The following MAX variants were observed in gnomAD, a reference collection of about 807,000 sequenced individuals.
MAX encodes the protein protein max.
Under a neutral mutation model 22.3 loss-of-function variants are expected in MAX, and 3 were observed. The observed-to-expected ratio is 0.13, with a 90% CI of 0.06 to 0.35. The LOEUF is 0.35. Among genes scored for constraint, MAX ranks in the 10% least tolerant of loss-of-function variants. MAX has a pLI of 1.00. For synonymous variants in MAX, 72 were observed against 77.7 expected, an observed-to-expected ratio of 0.93 and a Z score of 0.39; for missense variants, 119 against 209.4, an observed-to-expected ratio of 0.57 and a Z score of 2.66.
Position 65,014,608 on chromosome 14 carries a change from G to A in MAX, c.172-8324C>T, listed in dbSNP as rs1174484406. 1.3e-5 allele frequency among the ~76,000 whole-genome samples: 2 copies of A among 152,162 alleles called. No individual in the cohort carries two copies. Among genetic ancestry groups the A allele is most frequent in the East Asian group, 3.8e-4 (2 of 5,198 alleles). ...GCAGGTGAATTGCTTCAGCCCAGGA[G>A]TTCAAGACCAGCCTGGGCAACATAG... On this transcript the variant is annotated intron_variant, in intron 3 of 3. Coordinates refer to the MAX transcript ENST00000341653. This position sits in a 1 kb window ranked among gnomAD's most constrained non-coding sequence, Gnocchi z 5.1.
intron 3 of MAX, among the ~76,000 whole-genome samples, chr14:65,008,834 T>C (rs2061638260): frequency 6.6e-6 from 1 of 152,148 alleles, no homozygotes; most frequent in Non-Finnish European, 1.5e-5. Flanking sequence ...ATTTAAATCA[T>C]TACCCAGTAC....
At position 65,044,216 on chromosome 14, in the gene MAX, ACCCT is replaced by A. The variant is rs2062424811; in HGVS notation, c.172-37936_172-37933del. 1.9e-6 allele frequency: 3 copies of A among 1,586,036 alleles called. No individual in the cohort carries two copies. The highest frequency in any genetic ancestry group is 2.6e-6 in the Non-Finnish European group (3 of 1,169,226). On this transcript the variant is annotated intron_variant, in intron 3 of 3. Coordinates refer to the MAX transcript ENST00000341653. This position sits in a 1 kb window ranked among gnomAD's most constrained non-coding sequence, Gnocchi z 5.5. ...GTGCCAAGAAGCCACAAGATGGGAA[ACCCT>A]CCATCCCACAGATTGACTCCTGGAG... is the stretch of plus-strand genomic sequence containing the variant.
At chr14:65,067,006 T>C (rs1357573904) in intron 3 of MAX, among the ~76,000 whole-genome samples, 1 of 146,676 alleles carries the variant, frequency 6.8e-6, no homozygotes, top group African/African-American at 2.5e-5. Flanking sequence ...CCACACTCTG[T>C]CTCTACAAAA....
intron 3 of MAX, among the ~76,000 whole-genome samples, chr14:65,066,862 C>CAAA (rs759184338): frequency 0.022 from 1,919 of 88,728 alleles, 74 homozygotes; most frequent in African/African-American, 0.067. Flanking sequence ...AATTCCATCT[C>CAAA]AAAAAAAAAA....
chr14:65,071,621 T>C (rs1300262364), downstream of MAX, among the ~76,000 whole-genome samples: 1 of 152,236 alleles, frequency 6.6e-6, no homozygotes, highest in Non-Finnish European at 1.5e-5. This position sits in a 1 kb window ranked among gnomAD's most constrained non-coding sequence, Gnocchi z 4.2. Context: ...CCTCACATAA[T>C]GGCACAGGAA....
chr14:65,046,741 A>G (rs1406555963), intron 3 of MAX, among the ~76,000 whole-genome samples: 2 of 152,198 alleles, frequency 1.3e-5, no homozygotes, highest in East Asian at 1.9e-4. Context: ...GATAGTCACA[A>G]TATATTGTGA....
At chr14:65,058,892 T>C (rs73270859) in intron 3 of MAX, among the ~76,000 whole-genome samples, 14,366 of 152,214 alleles carry the variant, frequency 0.094, 2,231 homozygotes, top group African/African-American at 0.33. Flanking sequence ...TATTTAGGAT[T>C]TTTTTGCATG....
chr14:65,067,230 TTTGAGA>T (rs1314576785), intron 3 of MAX, among the ~76,000 whole-genome samples: 2 of 151,282 alleles, frequency 1.3e-5, no homozygotes, highest in Admixed American at 6.6e-5. Context: ...TTTGGAATAG[TTTGAGA>T]TTGACAGAAA....
At chr14:65,022,387 A>G (rs2061905772) in intron 3 of MAX, among the ~76,000 whole-genome samples, 1 of 151,810 alleles carries the variant, frequency 6.6e-6, no homozygotes, top group Non-Finnish European at 1.5e-5. Flanking sequence ...TCTAGTGCTG[A>G]AGTTTTTTAT....
downstream of MAX, chr14:65,075,123 CAAG>C (rs1356464094): frequency 8.9e-6 from 9 of 1,016,008 alleles, no homozygotes; most frequent in African/African-American, 1.7e-5. This position sits in a 1 kb window ranked among gnomAD's most constrained non-coding sequence, Gnocchi z 4.1. Flanking sequence ...ACACCACCAC[CAAG>C]AAGGATAAAA....
intron 3 of MAX, chr14:65,015,832 A>G: frequency 8.2e-7 from 1 of 1,220,684 alleles, no homozygotes; most frequent in South Asian, 1.4e-5. Context: ...CCACAAAGAA[A>G]TCTTTGCTCT....
chr14:65,013,664 C>T (rs901207608), intron 3 of MAX, among the ~76,000 whole-genome samples: 7 of 152,196 alleles, frequency 4.6e-5, no homozygotes, highest in African/African-American at 1.7e-4. Context: ...TCTCTTGCCT[C>T]AGCCTTCTGA....
intron 3 of MAX, chr14:65,053,445 A>G: frequency 9.3e-7 from 1 of 1,079,488 alleles, no homozygotes; most frequent in African/African-American, 1.6e-5. Flanking sequence ...TCAAGAGCAG[A>G]GGTGTCACCT....
Position 65,028,474 on chromosome 14 carries a change from A to G in MAX, c.172-22190T>C, listed in dbSNP as rs546470209. ...TTCTTATTATTTAGTTGAGAAATAC[A>G]TTTTGTGAGGTTTCTATAGCAAAGC... On this transcript the variant is annotated intron_variant, in intron 3 of 3. Coordinates refer to the MAX transcript ENST00000341653. This position sits in a 1 kb window ranked among gnomAD's most constrained non-coding sequence, Gnocchi z 4.4. 6.6e-6 allele frequency among the ~76,000 whole-genome samples: 1 copy of G among 152,286 alleles called. No individual in the cohort carries two copies. The highest frequency in any genetic ancestry group is 1.9e-4 in the East Asian group (1 of 5,194).
downstream of MAX, among the ~76,000 whole-genome samples, chr14:65,073,159 T>C (rs2063006834): frequency 6.6e-6 from 1 of 152,196 alleles, no homozygotes; most frequent in Non-Finnish European, 1.5e-5. Flanking sequence ...ATTATTATCC[T>C]CATTTTATAG....
intron 3 of MAX, among the ~76,000 whole-genome samples, chr14:65,056,083 A>G (rs1187357384): frequency 1.3e-5 from 2 of 152,178 alleles, no homozygotes; most frequent in African/African-American, 4.8e-5. Flanking sequence ...ATACATATGT[A>G]TCTATAAGCA....
chr14:65,096,518 T>A (rs2063680043), intron 2 of MAX, among the ~76,000 whole-genome samples: 1 of 152,136 alleles, frequency 6.6e-6, no homozygotes, highest in Non-Finnish European at 1.5e-5. Context: ...CCCAGACCAA[T>A]AACACTGCCC....
At chr14:65,021,023 C>T (rs1012481465) in intron 3 of MAX, among the ~76,000 whole-genome samples, 2 of 152,230 alleles carry the variant, frequency 1.3e-5, no homozygotes, top group African/African-American at 4.8e-5. Context: ...AGCCACCGCA[C>T]CCGGCCTAGC....
In MAX at chr14:65,075,337, AC is replaced by A. The variant is rs1335835481; in HGVS notation, c.*1138del. On this transcript the variant is annotated 3_prime_UTR_variant, in exon 5 of 5. Transcript: ENST00000358664. The surrounding 1 kb of genome is among the most constrained non-coding windows in gnomAD (Gnocchi z 4.1). ...AAGAAATGAGGCCTAAACACACAAA[AC>A]CCTTCACTGGCATCTGCTGACCACA... The A allele has an allele frequency of 5.6e-6, 6 of 1,062,430 alleles. No individual in the cohort carries two copies. The African/African-American group carries it at 9.9e-5, about 17-fold the overall frequency. The allele number at this position is 1,062,430 out of a possible 1,614,324, so 65.8% of individuals were successfully genotyped here. A position where few individuals can be genotyped will look rare whatever the true frequency, so the allele number is the denominator to read the frequency against.
Sources: gnomAD v4.1 joint callset for allele counts (sites outside exome capture counted in the v4.1 genomes callset) on GRCh38, gnomAD v4.1.1 for gene constraint, Gnocchi (gnomAD v3.1) non-coding constraint, MANE v1.5 for transcripts, NCBI Gene and HGNC (gene_info 2026-07-23, HGNC 2026-07-21) for gene names.